The following DSCAM variants were observed in gnomAD, a reference collection of about 807,000 sequenced individuals.
DSCAM encodes the protein cell adhesion molecule DSCAM.
A neutral mutation model predicts 217.7 loss-of-function variants in DSCAM; 47 were observed. The observed-to-expected ratio is 0.22, with a 90% CI of 0.17 to 0.28. The LOEUF is 0.28. Ranked by LOEUF, DSCAM falls within the 10% of genes least tolerant of loss-of-function variation. The pLI, the probability that DSCAM is intolerant of heterozygous loss-of-function variation, is 1.00. For missense variants in DSCAM, 2,080 were observed against 2,618.3 expected (o/e 0.79, Z 4.49); for synonymous variants, 1,056 against 1,015.3 (o/e 1.04, Z -0.76).
At chr21:40,545,137 C>T (rs75252625) in intron 3 of DSCAM, among the ~76,000 whole-genome samples, 2 of 152,162 alleles carry the variant, frequency 1.3e-5, no homozygotes, top group African/African-American at 4.8e-5. Context: ...TCCTTCTGCT[C>T]TGTGCCATGT....
chr21:40,381,127 G>A (rs932239659), intron 3 of DSCAM, among the ~76,000 whole-genome samples: 3 of 151,378 alleles, frequency 2.0e-5, no homozygotes, highest in Admixed American at 6.6e-5. Context: ...TGAATGCCAG[G>A]ATGAGGCAAA....
chr21:40,423,255 C>T (rs752760216), intron 3 of DSCAM, among the ~76,000 whole-genome samples: 1 of 152,142 alleles, frequency 6.6e-6, no homozygotes, highest in Admixed American at 6.5e-5. Context: ...TTTTGAGTCA[C>T]GATGAATATT....
At chr21:40,367,773 C>T (rs1242267513) in intron 4 of DSCAM, among the ~76,000 whole-genome samples, 2 of 152,164 alleles carry the variant, frequency 1.3e-5, no homozygotes, top group Non-Finnish European at 2.9e-5. Flanking sequence ...TATTCCTTGG[C>T]TACTTTTCGG....
At chr21:40,256,892 A>G (rs1363421020) in intron 11 of DSCAM, among the ~76,000 whole-genome samples, 1 of 152,194 alleles carries the variant, frequency 6.6e-6, no homozygotes, top group East Asian at 1.9e-4. Context: ...AATAAAGACA[A>G]TAACAAGGTT....
intron 29 of DSCAM, among the ~76,000 whole-genome samples, chr21:40,053,763 T>C (rs1387743250): frequency 6.6e-6 from 1 of 152,196 alleles, no homozygotes; most frequent in Non-Finnish European, 1.5e-5. Context: ...CGAACGGTCA[T>C]ATTTACAAAT....
At chr21:40,250,672 G>A (rs1013283632) in intron 11 of DSCAM, among the ~76,000 whole-genome samples, 1 of 152,188 alleles carries the variant, frequency 6.6e-6, no homozygotes, top group African/African-American at 2.4e-5. Flanking sequence ...TCCTGAAGTG[G>A]CAGCGACAGC....
At chr21:40,361,102 T>C (rs2074758499) in intron 4 of DSCAM, among the ~76,000 whole-genome samples, 1 of 151,602 alleles carries the variant, frequency 6.6e-6, no homozygotes, top group Non-Finnish European at 1.5e-5. Context: ...CCTTCAAATT[T>C]TTTTTTGTCT....
At chr21:40,470,879 G>A (rs2075882807) in intron 3 of DSCAM, among the ~76,000 whole-genome samples, 4 of 152,126 alleles carry the variant, frequency 2.6e-5, no homozygotes, top group Admixed American at 2.6e-4. Context: ...CTATTATTAT[G>A]GCTAACAAAG....
chr21:40,185,533 G>A (rs763723173), intron 14 of DSCAM, among the ~76,000 whole-genome samples: 6 of 152,244 alleles, frequency 3.9e-5, no homozygotes, highest in East Asian at 3.9e-4. Context: ...GTGTGCTCCC[G>A]CACCAACAGC....
intron 3 of DSCAM, among the ~76,000 whole-genome samples, chr21:40,436,442 A>C (rs943110601): frequency 6.6e-6 from 1 of 152,190 alleles, no homozygotes; most frequent in African/African-American, 2.4e-5. Context: ...TCTGAACAGG[A>C]ATTCAGCAGC....
At chr21:40,400,355 C>T (rs2075222466) in intron 3 of DSCAM, among the ~76,000 whole-genome samples, 1 of 152,094 alleles carries the variant, frequency 6.6e-6, no homozygotes, top group Non-Finnish European at 1.5e-5. Context: ...TTTATATTTT[C>T]ATAAATCTTT....
intron 11 of DSCAM, among the ~76,000 whole-genome samples, chr21:40,252,221 A>T (rs1287689342): frequency 6.6e-6 from 1 of 152,286 alleles, no homozygotes. Context: ...TGTGATAATT[A>T]GTTACAAAGA....
chr21:40,807,226 G>A (rs1336141871), intron 1 of DSCAM, among the ~76,000 whole-genome samples: 2 of 152,076 alleles, frequency 1.3e-5, no homozygotes, highest in Non-Finnish European at 2.9e-5. Context: ...CTCTGTTGCT[G>A]GCTGACCACG....
chr21:40,327,372 A>T (rs563178210), intron 8 of DSCAM, among the ~76,000 whole-genome samples: 3 of 152,312 alleles, frequency 2.0e-5, no homozygotes, highest in African/African-American at 7.2e-5. Context: ...AAATAAAAGA[A>T]TTGTATTCTT....
chr21:40,732,352 C>T (rs552404872), intron 1 of DSCAM, among the ~76,000 whole-genome samples: 28 of 152,314 alleles, frequency 1.8e-4, no homozygotes, highest in African/African-American at 6.7e-4. Flanking sequence ...ATTGAACATA[C>T]TGAAATGTTT....
intron 1 of DSCAM, among the ~76,000 whole-genome samples, chr21:40,777,855 C>T (rs2091502413): frequency 6.6e-6 from 1 of 151,986 alleles, no homozygotes; most frequent in African/African-American, 2.4e-5. Flanking sequence ...GACAAAATTA[C>T]AGAACATCAA....
At chr21:40,509,485 T>C (rs991540945) in intron 3 of DSCAM, among the ~76,000 whole-genome samples, 1 of 152,182 alleles carries the variant, frequency 6.6e-6, no homozygotes, top group Non-Finnish European at 1.5e-5. Flanking sequence ...CAGCTCCCCA[T>C]TGTTCCTCTC....
chr21:40,672,678 T>C (rs1360209013), intron 3 of DSCAM, among the ~76,000 whole-genome samples: 1 of 152,224 alleles, frequency 6.6e-6, no homozygotes, highest in African/African-American at 2.4e-5. Flanking sequence ...TTGCCTATTA[T>C]TAATGCTATT....
At chr21:40,397,475 C>T (rs1345616270) in intron 3 of DSCAM, among the ~76,000 whole-genome samples, 2 of 152,096 alleles carry the variant, frequency 1.3e-5, no homozygotes, top group African/African-American at 4.8e-5. Context: ...CTTCCTGAGG[C>T]CTCCCAGAAG....
Sources: allele counts gnomAD v4.1 joint callset (sites outside exome capture counted in the v4.1 genomes callset), GRCh38; gene constraint gnomAD v4.1.1; transcripts MANE v1.5; gene names NCBI Gene and HGNC (gene_info 2026-07-23, HGNC 2026-07-21).